FYTTD1: variants seen among roughly 807,000 people sequenced by gnomAD.
The protein encoded by FYTTD1 is UAP56-interacting factor.
Under a neutral mutation model 40.9 loss-of-function variants are expected in FYTTD1, and 22 were observed. The ratio of observed to expected loss-of-function variants is 0.54; its 90% confidence interval spans 0.38 to 0.77. The LOEUF (loss-of-function observed/expected upper bound fraction) is 0.77. Ranked by LOEUF, FYTTD1 falls within the 30% of genes least tolerant of loss-of-function variation. The probability of loss-of-function intolerance (pLI) is 0.00; values close to 1 mark genes in which losing one functional copy is unlikely to be tolerated. For missense variants in FYTTD1, 351 were observed against 392.2 expected (o/e 0.90, Z 0.89); for synonymous variants, 140 against 137.9 (o/e 1.01, Z -0.10).
intron 1 of FYTTD1, 84 bp from the exon 2 acceptor site, chr3:197,756,342 C>G (rs367855788): frequency 2.2e-6 from 2 of 919,734 alleles, no homozygotes; most frequent in African/African-American, 1.7e-5. Context: ...AAGTTAGGAA[C>G]GTAGGACATC....
chr3:197,756,125 T>C lies in FYTTD1; in HGVS notation c.104-301T>C, dbSNP rs568036918. On this transcript the variant is annotated intron_variant, in intron 1 of 8. Coordinates refer to ENST00000241502, the MANE Select transcript of FYTTD1 (RefSeq NM_032288.7). The stretch of plus-strand genomic sequence containing the variant: ...AGGAAATTAGAGGCTTCTGTGATTA[T>C]GGGAAGTAAGTAGGAAATTGGAGGC... 1.5e-3 allele frequency among the ~76,000 whole-genome samples: 229 copies of C among 152,070 alleles called. 1 individual carries two copies. Among genetic ancestry groups the C allele is most frequent in the African/African-American group, 5.1e-3 (213 of 41,462 alleles).
intron 6 of FYTTD1, among the ~76,000 whole-genome samples, chr3:197,776,131 C>T (rs1729866096): frequency 6.6e-6 from 1 of 151,824 alleles, no homozygotes; most frequent in South Asian, 2.1e-4. Context: ...AGTGATACAG[C>T]CATCAAAATG....
chr3:197,768,570 C>T lies in FYTTD1; in HGVS notation c.367C>T (p.Pro123Ser), dbSNP rs769706620. Residue 123 changes from proline (P) to serine (S), a missense_variant, in exon 3 of 9, where the codon CCA (proline) becomes TCA (serine). Physicochemically the swap from Pro to Ser is moderately conservative, Grantham distance 74. Coordinates refer to ENST00000241502, the MANE Select transcript of FYTTD1 (RefSeq NM_032288.7). Reference protein sequence around the residue: ...IRKGISPMNRPPLSDKNIEQY... With the variant: ...IRKGISPMNRSPLSDKNIEQY... The stretch of plus-strand genomic sequence containing the variant: ...AAAAGGAATTAGTCCTATGAATCGT[C>T]CACCTCTAAGTGACAAGGTAGGATG... 1 of 1,613,556 alleles carries T rather than the reference C, an allele frequency of 6.2e-7. No homozygotes were observed. Among genetic ancestry groups the T allele is most frequent in the Admixed American group, 1.7e-5 (1 of 59,988 alleles).
intron 2 of FYTTD1, among the ~76,000 whole-genome samples, chr3:197,761,401 TTCAGTGGTAGAATGTATAGAGTTGTTCC>T (rs1729384665): frequency 6.6e-6 from 1 of 151,996 alleles, no homozygotes; most frequent in African/African-American, 2.4e-5. Context: ...AGAATTGTTC[TTCAGTGGTAGAATGTATAGAGTTGTTCC>T]TCAGTGGTAG....
intron 2 of FYTTD1, among the ~76,000 whole-genome samples, chr3:197,766,457 G>GTGTGTGTGTGTGTGTT (rs1177062233): frequency 4.0e-5 from 6 of 151,496 alleles, no homozygotes; most frequent in African/African-American, 1.5e-4. Context: ...GTGTGTGTGT[G>GTGTGTGTGTGTGTGTT]TGTTTGAGAC....
At chr3:197,752,450 C>T (rs1429733412) in intron 1 of FYTTD1, among the ~76,000 whole-genome samples, 1 of 152,194 alleles carries the variant, frequency 6.6e-6, no homozygotes, top group Non-Finnish European at 1.5e-5. Flanking sequence ...TATTTTTCCA[C>T]ATACACTATA....
At chr3:197,766,430 G>GGGGTGTGTGTGTGTGTGT (rs1553909117) in intron 2 of FYTTD1, among the ~76,000 whole-genome samples, 1 of 134,996 alleles carries the variant, frequency 7.4e-6, no homozygotes, top group Non-Finnish European at 1.6e-5. Context: ...GTTTGAGACT[G>GGGGTGTGTGTGTGTGTGT]GTGTGTGTGT....
intron 2 of FYTTD1, among the ~76,000 whole-genome samples, chr3:197,758,332 A>T (rs77102049): frequency 6.6e-6 from 1 of 152,234 alleles, no homozygotes; most frequent in Non-Finnish European, 1.5e-5. Flanking sequence ...ATGTTTATCA[A>T]ATATTTAACA....
intron 1 of FYTTD1, among the ~76,000 whole-genome samples, chr3:197,752,213 T>C (rs1393391993): frequency 2.0e-5 from 3 of 152,178 alleles, no homozygotes; most frequent in Non-Finnish European, 4.4e-5. Flanking sequence ...TCTGTGAGGG[T>C]TGTACTCCTA....
At chr3:197,780,051 T>A (rs1314955211) in intron 8 of FYTTD1, among the ~76,000 whole-genome samples, 1 of 130,276 alleles carries the variant, frequency 7.7e-6, no homozygotes, top group African/African-American at 3.0e-5. Context: ...CCACCACACC[T>A]GGGGATGCAG....
chr3:197,770,277 G>C, intron 4 of FYTTD1, 33 bp downstream of exon 4: 3 of 1,324,986 alleles, frequency 2.3e-6, no homozygotes. Context: ...GTGTTATTTT[G>C]CATTAAAAAC....
chr3:197,765,274 C>T (rs1252631523), intron 2 of FYTTD1, among the ~76,000 whole-genome samples: 1 of 152,070 alleles, frequency 6.6e-6, no homozygotes, highest in African/African-American at 2.4e-5. Flanking sequence ...TCCTTTTAAT[C>T]GTTTCTTTTT....
In FYTTD1 at chr3:197,763,841, T is replaced by C. The variant is rs1729462482; in HGVS notation, c.236-4598T>C. 2.0e-5 allele frequency among the ~76,000 whole-genome samples: 3 copies of C among 152,278 alleles called. No homozygotes were observed. The South Asian group carries it at 6.2e-4, about 32-fold the overall frequency. On this transcript the variant is annotated intron_variant, in intron 2 of 8. Transcript: ENST00000241502. ...GACATATGATGTATGTGGAAAGAAA[T>C]TCATGAATAGATTAGTCTTGGGATT...
intron 7 of FYTTD1, among the ~76,000 whole-genome samples, chr3:197,777,831 C>T (rs559213455): frequency 6.6e-6 from 1 of 152,272 alleles, no homozygotes; most frequent in South Asian, 2.1e-4. Flanking sequence ...TCTCCTGCCT[C>T]AGCCTCCTGA....
Position 197,750,064 on chromosome 3 carries a change from T to TA in FYTTD1, c.94dup (p.Met32AsnfsTer5), listed in dbSNP as rs1249516813. 1 of 1,577,358 alleles carries TA rather than the reference T, an allele frequency of 6.3e-7. No homozygotes were observed. The highest frequency in any genetic ancestry group is 8.6e-7 in the Non-Finnish European group (1 of 1,163,160). On this transcript the variant is annotated frameshift_variant, in exon 1 of 9. Transcript: ENST00000241502. LOFTEE classifies it high-confidence loss of function. ...GCAATGAAAACCTCGACAAAATAGA[T>TA]ATGTCTTTGGGTGAGGGGCCGAGTT...
intron 2 of FYTTD1, among the ~76,000 whole-genome samples, chr3:197,762,697 A>G (rs1354913001): frequency 3.3e-5 from 5 of 151,254 alleles, no homozygotes; most frequent in Non-Finnish European, 7.4e-5. Flanking sequence ...CCTGGCTAAC[A>G]CAGTGAAACC....
At chr3:197,758,158 C>T (rs539775463) in intron 2 of FYTTD1, among the ~76,000 whole-genome samples, 3 of 152,334 alleles carry the variant, frequency 2.0e-5, no homozygotes, top group Middle Eastern at 6.8e-3. Flanking sequence ...CTGCCTCGGC[C>T]TCCTGCCTCA....
intron 1 of FYTTD1, among the ~76,000 whole-genome samples, chr3:197,753,281 G>C (rs747547475): frequency 6.6e-6 from 1 of 152,118 alleles, no homozygotes; most frequent in Non-Finnish European, 1.5e-5. Context: ...TTCACATAGA[G>C]TACCAAGTTT....
chr3:197,762,646 G>A (rs1729422540), intron 2 of FYTTD1, among the ~76,000 whole-genome samples: 1 of 151,800 alleles, frequency 6.6e-6, no homozygotes, highest in Non-Finnish European at 1.5e-5. Context: ...ACTTTGGGAG[G>A]CCGAGGCAGG....
Sources: gnomAD v4.1 joint callset for allele counts (sites outside exome capture counted in the v4.1 genomes callset) on GRCh38, gnomAD v4.1.1 for gene constraint, MANE v1.5 for transcripts, NCBI Gene and HGNC (gene_info 2026-07-23, HGNC 2026-07-21) for gene names.